Variants in TAFA2 observed in about 807,000 individuals in gnomAD.
TAFA2 encodes the protein chemokine-like protein TAFA-2.
TAFA2 carries 7 observed loss-of-function variants against 18.8 expected under a neutral mutation model. The ratio of observed to expected loss-of-function variants is 0.37; its 90% CI spans 0.21 to 0.70. The LOEUF (loss-of-function observed/expected upper bound fraction) is 0.70, where lower values mean the gene tolerates loss of function less well. TAFA2 is among the 30% of genes least tolerant of loss of function. The pLI, the probability that TAFA2 is intolerant of heterozygous loss-of-function variation, is 0.53. For missense variants in TAFA2, 122 were observed against 158.1 expected (o/e 0.77, Z 1.23); for synonymous variants, 60 against 54.2 (o/e 1.11, Z -0.47).
chr12:62,176,455 GTTTTCA>G (rs5798635), intron 1 of TAFA2, among the ~76,000 whole-genome samples: 32,734 of 151,714 alleles, frequency 0.22, 3,682 homozygotes, highest in South Asian at 0.27. Context: ...CCCAAGAGAG[GTTTTCA>G]GAAGGTAAAT....
intron 1 of TAFA2, among the ~76,000 whole-genome samples, chr12:62,147,529 A>G (rs550675521): frequency 1.9e-3 from 293 of 150,396 alleles, no homozygotes; most frequent in Non-Finnish European, 3.4e-3. Context: ...GGAGATCAAG[A>G]CCATCCTGGC....
At chr12:62,162,676 C>A (rs1229371014) in intron 1 of TAFA2, among the ~76,000 whole-genome samples, 1 of 152,156 alleles carries the variant, frequency 6.6e-6, no homozygotes, top group African/African-American at 2.4e-5. Flanking sequence ...CTTTCTCTGG[C>A]CCCAACTAGT....
intron 1 of TAFA2, among the ~76,000 whole-genome samples, chr12:62,169,827 G>C (rs1018910647): frequency 1.3e-5 from 2 of 148,400 alleles, no homozygotes; most frequent in Non-Finnish European, 3.0e-5. Context: ...CTCCAGACTG[G>C]GCGACAGGGC....
At chr12:61,995,906 C>T (rs1190734119) in intron 1 of TAFA2, among the ~76,000 whole-genome samples, 1 of 151,978 alleles carries the variant, frequency 6.6e-6, no homozygotes, top group African/African-American at 2.4e-5. Context: ...TGTAAATATA[C>T]AAAAATCATT....
At chr12:61,796,712 G>A (rs1871202942) in intron 2 of TAFA2, among the ~76,000 whole-genome samples, 1 of 152,128 alleles carries the variant, frequency 6.6e-6, no homozygotes, top group African/African-American at 2.4e-5. Flanking sequence ...GAAAAGTCTT[G>A]AGTGTTTAGC....
At chr12:61,913,396 C>T (rs991721043) in intron 1 of TAFA2, among the ~76,000 whole-genome samples, 4 of 152,094 alleles carry the variant, frequency 2.6e-5, no homozygotes, top group Admixed American at 2.0e-4. Flanking sequence ...TTATGATACC[C>T]AATAATCCCT....
chr12:61,867,754 T>C (rs186066418), intron 1 of TAFA2, among the ~76,000 whole-genome samples: 59 of 152,282 alleles, frequency 3.9e-4, no homozygotes, highest in African/African-American at 1.3e-3. Flanking sequence ...ACCCAAGGCA[T>C]GGTCATTTGG....
At chr12:61,855,959 A>G (rs1873865518) in intron 2 of TAFA2, among the ~76,000 whole-genome samples, 2 of 152,142 alleles carry the variant, frequency 1.3e-5, no homozygotes, top group Admixed American at 1.3e-4. Flanking sequence ...GAAAGTGGAA[A>G]CCTAAGTTTG....
intron 1 of TAFA2, among the ~76,000 whole-genome samples, chr12:61,898,051 C>T (rs1875931113): frequency 6.6e-6 from 1 of 152,238 alleles, no homozygotes; most frequent in South Asian, 2.1e-4. Flanking sequence ...CAAAATCCAG[C>T]AGGACAGTCA....
At chr12:62,168,614 C>A (rs76565835) in intron 1 of TAFA2, among the ~76,000 whole-genome samples, 1 of 152,108 alleles carries the variant, frequency 6.6e-6, no homozygotes. Flanking sequence ...GCAGAAGGAT[C>A]TCTTAAGCCC....
At chr12:62,019,708 T>A (rs1164423035) in intron 1 of TAFA2, among the ~76,000 whole-genome samples, 1 of 150,540 alleles carries the variant, frequency 6.6e-6, no homozygotes, top group Admixed American at 6.6e-5. Context: ...TTAGGAGATA[T>A]ACCTAATGTT....
At chr12:61,784,294 A>G (rs943805558) in intron 2 of TAFA2, among the ~76,000 whole-genome samples, 3 of 151,418 alleles carry the variant, frequency 2.0e-5, no homozygotes, top group Non-Finnish European at 3.0e-5. Context: ...AGGGTCTGAG[A>G]AGTTGTTTTA....
At chr12:62,236,467 G>A (rs145519481) in intron 1 of TAFA2, among the ~76,000 whole-genome samples, 344 of 152,046 alleles carry the variant, frequency 2.3e-3, no homozygotes, top group African/African-American at 8.0e-3. Flanking sequence ...GGGTTTCACC[G>A]TGTTAGCCAA....
At chr12:62,242,360 A>T (rs1457136342) in intron 1 of TAFA2, 1 of 152,036 alleles carries the variant, frequency 6.6e-6, no homozygotes, top group African/African-American at 2.4e-5. Flanking sequence ...AAGATAGAAG[A>T]TAAAAGTATA....
chr12:62,082,062 C>T (rs1156832687), intron 1 of TAFA2, among the ~76,000 whole-genome samples: 4 of 151,980 alleles, frequency 2.6e-5, no homozygotes. Flanking sequence ...TCTGTTTCAG[C>T]ATTAGTTTGC....
intron 1 of TAFA2, among the ~76,000 whole-genome samples, chr12:62,126,426 C>T (rs1870461989): frequency 6.6e-6 from 1 of 152,004 alleles, no homozygotes; most frequent in Non-Finnish European, 1.5e-5. Context: ...TGTCAAACTG[C>T]CTTGGAAGGT....
At chr12:61,957,408 T>C (rs2121468809) in intron 1 of TAFA2, among the ~76,000 whole-genome samples, 2 of 151,946 alleles carry the variant, frequency 1.3e-5, no homozygotes, top group South Asian at 4.2e-4. Context: ...AGTTTCAGAG[T>C]GAGGGGTCAG....
intron 1 of TAFA2, among the ~76,000 whole-genome samples, chr12:62,241,568 T>C (rs957512116): frequency 6.6e-6 from 1 of 152,216 alleles, no homozygotes; most frequent in Non-Finnish European, 1.5e-5. Flanking sequence ...GCTTCCTAAT[T>C]ATCAGGCATG....
chr12:62,243,993 T>G (rs1053882152), intron 1 of TAFA2, among the ~76,000 whole-genome samples: 1 of 152,134 alleles, frequency 6.6e-6, no homozygotes, highest in Non-Finnish European at 1.5e-5. Flanking sequence ...TCTCACTATG[T>G]TGCCCAGGCT....
Sources: allele counts gnomAD v4.1 joint callset (sites outside exome capture counted in the v4.1 genomes callset), GRCh38; gene constraint gnomAD v4.1.1; transcripts MANE v1.5; gene names NCBI Gene and HGNC (gene_info 2026-07-23, HGNC 2026-07-21).